RSPO2: variants seen among roughly 807,000 people sequenced by gnomAD.
RSPO2 encodes the protein R-spondin 2.
In RSPO2, 14 loss-of-function variants were observed where a neutral mutation model predicts 30.9. The observed-to-expected ratio is 0.45, with a 90% CI of 0.30 to 0.71. RSPO2 has a LOEUF of 0.71. RSPO2 is among the 30% of genes least tolerant of loss of function. The pLI, the probability that RSPO2 is intolerant of heterozygous loss-of-function variation, is 0.08. For missense variants in RSPO2, 264 were observed against 301.9 expected, an observed-to-expected ratio of 0.87 and a Z score of 0.93; for synonymous variants, 107 against 96.4, an observed-to-expected ratio of 1.11 and a Z score of -0.64.
rs1554579568 is a variant in RSPO2, at chr8:107,989,213, AC to A, written c.125del (p.Gly42ValfsTer49). On this transcript the variant is annotated frameshift_variant, in exon 3 of 6. Transcript: ENST00000276659. LOFTEE classifies it high-confidence loss of function. ...CATTGTCCTTTGAACAAGACAAACA[AC>A]CCTTGCAAATGGGATTTGATACATA... is the stretch of plus-strand genomic sequence containing the variant. ...ASYVSNPICK[G>X]CLSCSKDNGC... 6.3e-7 allele frequency: 1 copy of A among 1,584,664 alleles called. No individual in the cohort carries two copies. Among genetic ancestry groups the A allele is most frequent in the South Asian group, 1.2e-5 (1 of 84,638 alleles).
At chr8:108,051,390 G>GA (rs989436167) in intron 2 of RSPO2, among the ~76,000 whole-genome samples, 1 of 152,076 alleles carries the variant, frequency 6.6e-6, no homozygotes, top group Non-Finnish European at 1.5e-5. Context: ...CCAGCAGGGG[G>GA]AAAAAACGGC....
intron 5 of RSPO2, among the ~76,000 whole-genome samples, chr8:107,939,091 A>T (rs369944011): frequency 1.3e-5 from 2 of 152,168 alleles, no homozygotes; most frequent in Non-Finnish European, 2.9e-5. Flanking sequence ...TGAAGAAAGG[A>T]AACATGTTTA....
At chr8:108,010,322 A>C (rs548625460) in intron 2 of RSPO2, among the ~76,000 whole-genome samples, 2 of 152,302 alleles carry the variant, frequency 1.3e-5, no homozygotes, top group South Asian at 4.1e-4. Context: ...AAGATAATGC[A>C]TATCTTGCCC....
At chr8:108,005,637 T>C (rs1044833578) in intron 2 of RSPO2, among the ~76,000 whole-genome samples, 1 of 152,176 alleles carries the variant, frequency 6.6e-6, no homozygotes, top group African/African-American at 2.4e-5. Context: ...TTATTCTAGA[T>C]TTGTTCAGTA....
chr8:108,042,813 T>C (rs1046072583), intron 2 of RSPO2, among the ~76,000 whole-genome samples: 1 of 152,058 alleles, frequency 6.6e-6, no homozygotes, highest in Non-Finnish European at 1.5e-5. Flanking sequence ...ACTGGGAAAC[T>C]GGGAATCAAA....
intron 5 of RSPO2, among the ~76,000 whole-genome samples, chr8:107,937,527 C>T (rs1381984002): frequency 6.6e-6 from 1 of 151,488 alleles, no homozygotes; most frequent in Admixed American, 6.6e-5. Flanking sequence ...GGAAGAAAAT[C>T]TGAAGGCATT....
At chr8:108,082,435 G>A (rs1813233727) in intron 2 of RSPO2, 110 bp downstream of exon 2, 2 of 761,684 alleles carry the variant, frequency 2.6e-6, no homozygotes, top group Non-Finnish European at 4.4e-6. Flanking sequence ...AAAAGCTGGG[G>A]TGGAGAGCAC....
At chr8:108,012,750 C>T (rs1810750770) in intron 2 of RSPO2, among the ~76,000 whole-genome samples, 1 of 152,088 alleles carries the variant, frequency 6.6e-6, no homozygotes, top group African/African-American at 2.4e-5. Flanking sequence ...TAGTCAAGTA[C>T]AGGATATATA....
chr8:108,018,004 G>A (rs1393727171), intron 2 of RSPO2, among the ~76,000 whole-genome samples: 3 of 152,142 alleles, frequency 2.0e-5, no homozygotes, highest in Non-Finnish European at 4.4e-5. Context: ...ACAGAATCTT[G>A]CATCATTCAG....
At chr8:107,923,794 A>C (rs532336257) in intron 5 of RSPO2, among the ~76,000 whole-genome samples, 1 of 150,632 alleles carries the variant, frequency 6.6e-6, no homozygotes, top group East Asian at 1.9e-4. Flanking sequence ...CTTTGCAAGA[A>C]CATGGTTGAT....
chr8:108,046,362 T>C (rs1811908944), intron 2 of RSPO2, among the ~76,000 whole-genome samples: 1 of 152,122 alleles, frequency 6.6e-6, no homozygotes, highest in South Asian at 2.1e-4. Flanking sequence ...ACATACACCA[T>C]GAAACATTTA....
chr8:108,059,830 C>T (rs1586667534), intron 2 of RSPO2, among the ~76,000 whole-genome samples: 1 of 126,370 alleles, frequency 7.9e-6, no homozygotes, highest in East Asian at 2.4e-4. Flanking sequence ...GGAAGGGGAA[C>T]ATCACACTCT....
At chr8:107,923,202 C>A (rs1586546006) in intron 5 of RSPO2, among the ~76,000 whole-genome samples, 2 of 151,852 alleles carry the variant, frequency 1.3e-5, no homozygotes, top group South Asian at 2.1e-4. Flanking sequence ...TAATATCCAG[C>A]ATCTATAAGG....
chr8:107,937,884 TCAG>T (rs1053493793), intron 5 of RSPO2, among the ~76,000 whole-genome samples: 1 of 152,120 alleles, frequency 6.6e-6, no homozygotes, highest in Admixed American at 6.6e-5. Context: ...ATCAATATTT[TCAG>T]CAGACCAGTT....
In RSPO2 at chr8:107,938,245, T is replaced by G. The variant is rs572960799; in HGVS notation, c.616+19835A>C. On this transcript the variant is annotated intron_variant, in intron 5 of 5. Transcript: ENST00000276659. ...TTTTAAAATATTAATACATTAAAAT[T>G]AACCCAGAAATACTCATGTAATTTC... is the stretch of plus-strand genomic sequence containing the variant. Among the ~76,000 whole-genome samples, 21 of 152,276 alleles carry G rather than the reference T, an allele frequency of 1.4e-4. 1 individual carries two copies. In the South Asian group the frequency reaches 2.7e-3, roughly 20 times the overall value.
rs138179792 is a variant in RSPO2 at position 107,911,487 on chromosome 8, T to C, written c.617-10297A>G. On this transcript the variant is annotated intron_variant, in intron 5 of 5. Coordinates refer to ENST00000276659, the MANE Select transcript of RSPO2 (RefSeq NM_178565.5). ...GAGATCTTGGACTAGACACTTTTTC[T>C]AAACCTTAGTTTTCTCAATTCTAAA... Among the ~76,000 whole-genome samples the C allele has an allele frequency of 7.5e-3, 1,138 of 152,296 alleles. 27 individuals are homozygous for C. In the South Asian group the frequency reaches 0.085, roughly 11 times the overall value.
At chr8:108,026,697 T>C (rs1811229943) in intron 2 of RSPO2, among the ~76,000 whole-genome samples, 1 of 152,038 alleles carries the variant, frequency 6.6e-6, no homozygotes, top group Non-Finnish European at 1.5e-5. Flanking sequence ...TGAAACCCCA[T>C]GTCTACTAAA....
At position 108,062,769 on chromosome 8, in the gene RSPO2, GCA is replaced by G. The variant is rs1491586371; in HGVS notation, c.94+19774_94+19775del. On this transcript the variant is annotated intron_variant, in intron 2 of 5. Transcript: ENST00000276659. The stretch of plus-strand genomic sequence containing the variant: ...ACCAATATCCCTAATGAACATTGAT[GCA>G]AAAATCCTCAATAAAATACTGGCAA... 2.3e-4 allele frequency among the ~76,000 whole-genome samples: 35 copies of G among 151,910 alleles called. No individual in the cohort carries two copies. In the East Asian group the frequency reaches 3.3e-3, roughly 14 times the overall value.
intron 5 of RSPO2, among the ~76,000 whole-genome samples, chr8:107,954,715 A>G (rs1372492413): frequency 6.6e-6 from 1 of 151,866 alleles, no homozygotes; most frequent in Non-Finnish European, 1.5e-5. Context: ...GGTTCAAGCC[A>G]CTCTCCTGCC....
Sources: gnomAD v4.1 joint callset for allele counts (sites outside exome capture counted in the v4.1 genomes callset) on GRCh38, gnomAD v4.1.1 for gene constraint, MANE v1.5 for transcripts, NCBI Gene and HGNC (gene_info 2026-07-23, HGNC 2026-07-21) for gene names.